The following FGL2 variants were observed in gnomAD, a reference collection of about 807,000 sequenced individuals.
FGL2 encodes the protein fibroleukin.
FGL2 carries 21 observed loss-of-function variants against 36.0 expected under a neutral mutation model. That is an observed-to-expected ratio of 0.58 (90% CI 0.41 to 0.84). The LOEUF is 0.84. FGL2 is among the 40% of genes least tolerant of loss of function. FGL2 has a pLI of 0.00. For synonymous variants in FGL2, 183 were observed against 190.7 expected (o/e 0.96, Z 0.33); for missense variants, 444 against 526.3 (o/e 0.84, Z 1.53).
In FGL2 at chr7:77,193,624, C is replaced by A. The variant is rs930849621; in HGVS notation, c.*2655G>T. On this transcript the variant is annotated 3_prime_UTR_variant, in exon 2 of 2. Coordinates refer to ENST00000248598, the MANE Select transcript of FGL2 (RefSeq NM_006682.3). ...TTCTTATGTTTTGTATATTTAAGCT[C>A]TTTATTTATTGAACAGATGTGTCAT... 6.6e-6 allele frequency: 1 copy of A among 152,026 alleles called. No homozygotes were observed. The highest frequency in any genetic ancestry group is 1.5e-5 in the Non-Finnish European group (1 of 67,982). 9.4% of individuals were successfully genotyped at this position (152,026 alleles called of 1,614,324 possible). A position where few individuals can be genotyped will look rare whatever the true frequency, so the allele number is the denominator to read the frequency against.
chr7:77,196,735 T>G lies in FGL2; in HGVS notation c.864A>C (p.Lys288Asn), dbSNP rs371430811. 30 of 1,614,056 alleles carry G rather than the reference T, an allele frequency of 1.9e-5. No homozygotes were observed. The highest frequency in any genetic ancestry group is 2.5e-5 in the Non-Finnish European group (29 of 1,180,036). The change falls in exon 2 of 2, where the codon AAA (lysine) becomes AAC (asparagine). Residue 288 changes from lysine (K) to asparagine (N), a missense_variant. Coordinates refer to ENST00000248598, the MANE Select transcript of FGL2 (RefSeq NM_006682.3). The surrounding 1 kb of genome is among the most constrained non-coding windows in gnomAD (Gnocchi z 4.2). ...LRREFWLGND[K>N]IHLLTKSKEM... Reference sequence around the variant, plus strand: ...CCTTACTCTTGGTCAGAAGATGAATTTTATCGTTCCCCAGCCAAAATTCCC... The same window carrying G: ...CCTTACTCTTGGTCAGAAGATGAATGTTATCGTTCCCCAGCCAAAATTCCC...
rs1029201176 is a variant in FGL2 at position 77,194,644 on chromosome 7, G to A, written c.*1635C>T. 1.3e-5 allele frequency: 2 copies of A among 152,026 alleles called. No individual in the cohort carries two copies. Among genetic ancestry groups the A allele is most frequent in the African/African-American group, 4.8e-5 (2 of 41,416 alleles). The allele number at this position is 152,026 out of a possible 1,614,324, so 9.4% of individuals were successfully genotyped here. A position where few individuals can be genotyped will look rare whatever the true frequency, so the allele number is the denominator to read the frequency against. On this transcript the variant is annotated 3_prime_UTR_variant, in exon 2 of 2. Coordinates refer to ENST00000248598, the MANE Select transcript of FGL2 (RefSeq NM_006682.3). Reference sequence around the variant, plus strand: ...CTCCTTAATCATTTTAAAATAATGGGTAAAGATGCATCTTTGTAAATATAT... The same window carrying A: ...CTCCTTAATCATTTTAAAATAATGGATAAAGATGCATCTTTGTAAATATAT...
At position 77,199,429 on chromosome 7, in the gene FGL2, G is replaced by A. The variant is rs898253846; in HGVS notation, c.365C>T (p.Pro122Leu). 3 of 1,613,998 alleles carry A rather than the reference G, an allele frequency of 1.9e-6. No individual in the cohort carries two copies. The highest frequency in any genetic ancestry group is 2.5e-6 in the Non-Finnish European group (3 of 1,179,996). ...AACTCTGTTATCACCAACCTCTCCC[G>A]GGGCTCCTGTACTGGGTAACAACAG... is the stretch of plus-strand genomic sequence containing the variant. ...NGLLLPSTGA[P>L]GEVGDNRVRE... The change falls in exon 1 of 2, where the codon CCG becomes CTG. Residue 122 changes from proline to leucine, a missense_variant. Physicochemically the swap from Pro to Leu is moderately conservative, Grantham distance 98. Transcript: ENST00000248598.
Position 77,196,298 on chromosome 7 carries a change from G to A in FGL2, c.1301C>T (p.Pro434Leu), listed in dbSNP as rs1330033848. 6.2e-7 allele frequency: 1 copy of A among 1,613,552 alleles called. No individual in the cohort carries two copies. The highest frequency in any genetic ancestry group is 1.1e-5 in the South Asian group (1 of 91,062). ...AGTGATTTATGGCTTAAAGTGCTTGGGTCTGATCATCATCTTAGCCTCTTT... is the reference window on the plus strand; with the variant it reads ...AGTGATTTATGGCTTAAAGTGCTTGAGTCTGATCATCATCTTAGCCTCTTT... ...SFKEAKMMIRPKHFKP is the reference protein window; with the variant it reads ...SFKEAKMMIRLKHFKP Residue 434 changes from proline (P) to leucine (L), a missense_variant, in exon 2 of 2, where the codon CCC (proline) becomes CTC (leucine). Coordinates refer to ENST00000248598, the MANE Select transcript of FGL2 (RefSeq NM_006682.3). This position sits in a 1 kb window ranked among gnomAD's most constrained non-coding sequence, Gnocchi z 4.2.
chr7:77,194,245 T>A lies in FGL2; in HGVS notation c.*2034A>T, dbSNP rs1791823575. 1 of 152,084 alleles carries A rather than the reference T, an allele frequency of 6.6e-6. No individual in the cohort carries two copies. Among genetic ancestry groups the A allele is most frequent in the African/African-American group, 2.4e-5 (1 of 41,466 alleles). The allele number at this position is 152,084 out of a possible 1,614,324, so 9.4% of individuals were successfully genotyped here. ...TCCATTTTTACTCACAGGAATTTAC[T>A]TAAACTTGTACATATATTAATTATA... On this transcript the variant is annotated 3_prime_UTR_variant, in exon 2 of 2. Transcript: ENST00000248598.
rs903883203 is a variant in FGL2, at chr7:77,195,510, G to T, written c.*769C>A. The stretch of plus-strand genomic sequence containing the variant: ...CAAAATGCTGTAGGGTTGTTCTGTT[G>T]CAAAGTAAATGATATAGATTAAGTT... On this transcript the variant is annotated 3_prime_UTR_variant, in exon 2 of 2. Coordinates refer to ENST00000248598, the MANE Select transcript of FGL2 (RefSeq NM_006682.3). The T allele has an allele frequency of 3.9e-5, 6 of 152,074 alleles. No individual in the cohort carries two copies. Among genetic ancestry groups the T allele is most frequent in the African/African-American group, 1.4e-4 (6 of 41,420 alleles). 9.4% of individuals were successfully genotyped at this position (152,074 alleles called of 1,614,324 possible).
chr7:77,196,930 G>A lies in FGL2; in HGVS notation c.669C>T (p.Ser223=). The change falls in exon 2 of 2, where the codon AGC becomes AGT. Residue 223 remains serine (S), a synonymous_variant. Transcript: ENST00000248598. The surrounding 1 kb of genome is among the most constrained non-coding windows in gnomAD (Gnocchi z 4.2). ...CAGGTGTAACTCTGTAGGTCTCACT[G>A]CTTCTTTTGCCTATTGCGTAGTAGT... ...CSDYYAIGKR[S]SETYRVTPDP... is the part of the protein sequence containing the mutation. 1 of 1,613,402 alleles carries A rather than the reference G, an allele frequency of 6.2e-7. No homozygotes were observed. Among genetic ancestry groups the A allele is most frequent in the South Asian group, 1.1e-5 (1 of 91,070 alleles).
In FGL2 at chr7:77,196,946, G is replaced by A; in HGVS notation, c.653C>T (p.Ala218Val). 2 of 1,612,430 alleles carry A rather than the reference G, an allele frequency of 1.2e-6. No individual in the cohort carries two copies. Among genetic ancestry groups the A allele is most frequent in the East Asian group, 2.2e-5 (1 of 44,880 alleles). Residue 218 changes from alanine to valine, a missense_variant, in exon 2 of 2, where the codon GCA becomes GTA. Ala to Val is a moderately conservative substitution (Grantham distance 64). Coordinates refer to ENST00000248598, the MANE Select transcript of FGL2 (RefSeq NM_006682.3). The surrounding 1 kb of genome is among the most constrained non-coding windows in gnomAD (Gnocchi z 4.2). ...LIYKDCSDYY[A>V]IGKRSSETYR... is the part of the protein sequence containing the mutation. Reference sequence around the variant, plus strand: ...GGTCTCACTGCTTCTTTTGCCTATTGCGTAGTAGTCAGAGCAATCTTTATA... The same window carrying A: ...GGTCTCACTGCTTCTTTTGCCTATTACGTAGTAGTCAGAGCAATCTTTATA...
At position 77,196,838 on chromosome 7, in the gene FGL2, A is replaced by C. The variant is rs368142215; in HGVS notation, c.761T>G (p.Leu254Arg). 3 of 1,613,472 alleles carry C rather than the reference A, an allele frequency of 1.9e-6. No homozygotes were observed. In the African/African-American group the frequency reaches 4.0e-5, roughly 22 times the overall value. Residue 254 changes from leucine (L) to arginine (R), a missense_variant, in exon 2 of 2, where the codon CTG becomes CGG. Leu to Arg is a moderately radical substitution (Grantham distance 102, BLOSUM62 -2). Transcript: ENST00000248598. The surrounding 1 kb of genome is among the most constrained non-coding windows in gnomAD (Gnocchi z 4.2). ...METMGGGWTVLQARLDGSTNF... is the reference protein window; with the variant it reads ...METMGGGWTVRQARLDGSTNF... ...GGTGCTCCCATCGAGACGTGCCTGC[A>C]GCACTGTCCAGCCTCCCCCCATGGT...
intron 1 of FGL2, 93 bp from the exon 2 acceptor site, chr7:77,197,078 TG>T: frequency 1.3e-6 from 1 of 765,808 alleles, no homozygotes; most frequent in Non-Finnish European, 2.1e-6. Context: ...GTTTGATAAT[TG>T]AATCAATGGC....
chr7:77,198,593 G>T (rs1296509554), intron 1 of FGL2: 1 of 152,848 alleles, frequency 6.5e-6, no homozygotes, highest in African/African-American at 2.4e-5. Flanking sequence ...TTAGTGGCAT[G>T]CTAAAACTCT....
chr7:77,198,885 C>T (rs1051382614), intron 1 of FGL2: 5 of 447,596 alleles, frequency 1.1e-5, no homozygotes, highest in Admixed American at 8.0e-5. Context: ...GTTAAATGCA[C>T]TAAAACATCA....
rs1489575272 is a variant in FGL2 at position 77,197,849 on chromosome 7, A to G, written c.614-864T>C. Among the ~76,000 whole-genome samples, 3 of 152,306 alleles carry G rather than the reference A, an allele frequency of 2.0e-5. No homozygotes were observed. In the East Asian group the frequency reaches 5.8e-4, roughly 29 times the overall value. The stretch of plus-strand genomic sequence containing the variant: ...GGTTTCTAGAAAGAAACAACAGGTG[A>G]CTATATTGAGGATAAGCATAATAAT... On this transcript the variant is annotated intron_variant, in intron 1 of 1. Transcript: ENST00000248598.
Position 77,199,748 on chromosome 7 carries a change from T to G in FGL2, c.46A>C (p.Thr16Pro), listed in dbSNP as rs749850723. 2 of 1,614,014 alleles carry G rather than the reference T, an allele frequency of 1.2e-6. No homozygotes were observed. Among genetic ancestry groups the G allele is most frequent in the Non-Finnish European group, 1.7e-6 (2 of 1,180,000 alleles). The change falls in exon 1 of 2, where the codon ACT becomes CCT. Residue 16 changes from threonine (T) to proline (P), a missense_variant. Transcript: ENST00000248598. ...WYWLSSAVLA[T>P]YGFLVVANNE... The stretch of plus-strand genomic sequence containing the variant: ...TTTGCCACAACCAAAAAACCGTAAG[T>G]GGCAAGAACAGCTGAGCTCAGCCAG...
At position 77,195,999 on chromosome 7, in the gene FGL2, A is replaced by G. The variant is rs564418740; in HGVS notation, c.*280T>C. ...TACAGCAAGTAATACAAGCAATAGA[A>G]AAAGTTTCAATAGAAATTAAAAGAA... On this transcript the variant is annotated 3_prime_UTR_variant, in exon 2 of 2. Transcript: ENST00000248598. 167 of 346,442 alleles carry G rather than the reference A, an allele frequency of 4.8e-4. No individual in the cohort carries two copies. Among genetic ancestry groups the G allele is most frequent in the Non-Finnish European group, 7.8e-4 (151 of 192,410 alleles). The allele number at this position is 346,442 out of a possible 1,614,324, so 21.5% of individuals were successfully genotyped here.
chr7:77,197,671 T>C (rs1477379679), intron 1 of FGL2, among the ~76,000 whole-genome samples: 1 of 152,220 alleles, frequency 6.6e-6, no homozygotes, highest in Non-Finnish European at 1.5e-5. Context: ...AAAATCCTAA[T>C]GCATAGGATT....
In FGL2 at chr7:77,196,202, C is replaced by G. The variant is rs900063718; in HGVS notation, c.*77G>C. 3.9e-6 allele frequency: 4 copies of G among 1,026,826 alleles called. No individual in the cohort carries two copies. The African/African-American group carries it at 6.4e-5, about 16-fold the overall frequency. 63.6% of individuals were successfully genotyped at this position (1,026,826 alleles called of 1,614,324 possible). On this transcript the variant is annotated 3_prime_UTR_variant, in exon 2 of 2. Coordinates refer to ENST00000248598, the MANE Select transcript of FGL2 (RefSeq NM_006682.3). The surrounding 1 kb of genome is among the most constrained non-coding windows in gnomAD (Gnocchi z 4.2). The stretch of plus-strand genomic sequence containing the variant: ...TTTTTTAGCTATGAAAAATATGAAA[C>G]AAGGCATATTCTAAAGTGCTGAAGG...
At chr7:77,198,806 A>G in intron 1 of FGL2, 1 of 246,738 alleles carries the variant, frequency 4.1e-6, no homozygotes, top group Non-Finnish European at 7.7e-6. Context: ...ACTGATTTCC[A>G]ACAAACAAGG....
rs1042548592 is a variant in FGL2, at chr7:77,194,421, ATC to A, written c.*1856_*1857del. Reference sequence around the variant, plus strand: ...ACCTAATAGAGACACAGCTTTTGAAATCTACAATATTTTACATTTTGGTCATC... The same window carrying A: ...ACCTAATAGAGACACAGCTTTTGAAATACAATATTTTACATTTTGGTCATC... On this transcript the variant is annotated 3_prime_UTR_variant, in exon 2 of 2. Transcript: ENST00000248598. 1 of 152,064 alleles carries A rather than the reference ATC, an allele frequency of 6.6e-6. No individual in the cohort carries two copies. The highest frequency in any genetic ancestry group is 2.4e-5 in the African/African-American group (1 of 41,450). The allele number at this position is 152,064 out of a possible 1,614,324, so 9.4% of individuals were successfully genotyped here.
Sources: gnomAD v4.1 joint callset for allele counts (sites outside exome capture counted in the v4.1 genomes callset) on GRCh38, gnomAD v4.1.1 for gene constraint, Gnocchi (gnomAD v3.1) non-coding constraint, MANE v1.5 for transcripts, NCBI Gene and HGNC (gene_info 2026-07-23, HGNC 2026-07-21) for gene names.